INSC: variants seen among roughly 807,000 people sequenced by gnomAD.
INSC encodes INSC spindle orientation adaptor protein.
In INSC, 67 loss-of-function variants were observed where a neutral mutation model predicts 58.6. The ratio of observed to expected loss-of-function variants is 1.14; its 90% CI spans 0.94 to 1.40. The LOEUF (loss-of-function observed/expected upper bound fraction) is 1.40, where lower values mean the gene tolerates loss of function less well. Ranked by LOEUF, INSC falls within the 40% of genes most tolerant of loss-of-function variation. INSC has a pLI of 0.00. For synonymous variants in INSC, 262 were observed against 276.1 expected, an observed-to-expected ratio of 0.95 and a Z score of 0.51; for missense variants, 714 against 692.0, an observed-to-expected ratio of 1.03 and a Z score of -0.36.
chr11:15,113,147 GTC>G (rs911761633), upstream of INSC, among the ~76,000 whole-genome samples: 1 of 113,728 alleles, frequency 8.8e-6, no homozygotes, highest in African/African-American at 3.1e-5. Context: ...CTTTCTTTCT[GTC>G]TCTCTCTCTC....
chr11:15,256,566 C>T, the INSC span, among the ~76,000 whole-genome samples: 6 of 151,540 alleles, frequency 4.0e-5, no homozygotes, highest in East Asian at 7.8e-4. Flanking sequence ...CTTGGCTCAC[C>T]GCAACCTCCG....
intron 7 of INSC, among the ~76,000 whole-genome samples, chr11:15,210,877 ATT>A (rs1312080337): frequency 6.6e-6 from 1 of 152,032 alleles, no homozygotes; most frequent in Admixed American, 6.6e-5. Flanking sequence ...TTAGGGTAGA[ATT>A]TGGTAGGCAG....
intron 5 of INSC, among the ~76,000 whole-genome samples, chr11:15,179,933 A>G (rs899686059): frequency 6.6e-6 from 1 of 152,162 alleles, no homozygotes; most frequent in Non-Finnish European, 1.5e-5. Context: ...TTTTGTGACC[A>G]CTTTCCTGAA....
intron 9 of INSC, among the ~76,000 whole-genome samples, chr11:15,233,628 G>A (rs1226634805): frequency 6.6e-6 from 1 of 152,160 alleles, no homozygotes; most frequent in Admixed American, 6.5e-5. Context: ...CCTGTGACAC[G>A]GCTAATAATT....
intron 2 of INSC, among the ~76,000 whole-genome samples, chr11:15,151,012 A>G (rs927100784): frequency 1.3e-5 from 2 of 152,184 alleles, no homozygotes; most frequent in African/African-American, 2.4e-5. Flanking sequence ...GCTTGGGTCC[A>G]GGAGAGAAGG....
downstream of INSC, among the ~76,000 whole-genome samples, chr11:15,248,083 T>C (rs2156824): frequency 0.62 from 93,536 of 152,080 alleles, 29,218 homozygotes; most frequent in East Asian, 0.86. Context: ...AACAATCACA[T>C]AAGTGCCTTT....
At chr11:15,194,928 A>G (rs2133870022) in intron 6 of INSC, among the ~76,000 whole-genome samples, 1 of 152,308 alleles carries the variant, frequency 6.6e-6, no homozygotes, top group South Asian at 2.1e-4. Flanking sequence ...GAGCTTTAAA[A>G]TTTTTAGGAT....
chr11:15,219,800 A>C (rs767171469), intron 7 of INSC, among the ~76,000 whole-genome samples: 1 of 152,202 alleles, frequency 6.6e-6, no homozygotes, highest in Admixed American at 6.5e-5. Context: ...GGAAGGAGGA[A>C]AGGGATGAAA....
intron 1 of INSC, among the ~76,000 whole-genome samples, chr11:15,124,142 A>G (rs1241439111): frequency 1.3e-5 from 2 of 152,154 alleles, no homozygotes; most frequent in Admixed American, 6.5e-5. Flanking sequence ...TTTATGTTGG[A>G]TTTATAGCAG....
intron 5 of INSC, chr11:15,184,418 G>A: frequency 1.0e-5 from 2 of 197,176 alleles, no homozygotes; most frequent in Non-Finnish European, 2.1e-5. Flanking sequence ...TTTTTTTGAG[G>A]TGGAGTCTCA....
intron 6 of INSC, 42 bp from the exon 7 acceptor site, chr11:15,200,782 G>A (rs747091091): frequency 5.8e-5 from 93 of 1,611,882 alleles, no homozygotes; most frequent in Non-Finnish European, 7.3e-5. Flanking sequence ...CCCCAGACAA[G>A]GTCACACAGT....
chr11:15,148,821 C>T (rs993841314), intron 1 of INSC, among the ~76,000 whole-genome samples: 5 of 152,146 alleles, frequency 3.3e-5, no homozygotes, highest in South Asian at 2.1e-4. Context: ...ATGTCCTGTG[C>T]AATACGTATG....
chr11:15,182,587 A>G (rs571479424), intron 5 of INSC, among the ~76,000 whole-genome samples: 50 of 152,236 alleles, frequency 3.3e-4, no homozygotes, highest in Non-Finnish European at 3.8e-4. Flanking sequence ...TTTCCCATTC[A>G]GCATATTCAA....
chr11:15,171,195 G>GA (rs146324362), intron 2 of INSC, among the ~76,000 whole-genome samples: 2,121 of 152,180 alleles, frequency 0.014, 49 homozygotes, highest in African/African-American at 0.048. Context: ...TAAGGGGTGT[G>GA]AGTGCCTCCA....
At chr11:15,178,291 C>G (rs1849642520) in intron 4 of INSC, 33 bp from the exon 5 acceptor site, 2 of 1,612,628 alleles carry the variant, frequency 1.2e-6, no homozygotes, top group Non-Finnish European at 1.7e-6. Flanking sequence ...CATGCCCTTT[C>G]CAGTGGCCCA....
chr11:15,235,271 T>C, intron 9 of INSC: 2 of 360,830 alleles, frequency 5.5e-6, no homozygotes, highest in Non-Finnish European at 1.1e-5. Context: ...GCTGGTTCTG[T>C]CTGCATTTCA....
chr11:15,133,596 G>A (rs75924330), intron 1 of INSC, among the ~76,000 whole-genome samples: 1 of 42,090 alleles, frequency 2.4e-5, no homozygotes, highest in African/African-American at 5.3e-5. Flanking sequence ...CTGGATCCCT[G>A]TTTGATTCCT....
chr11:15,191,568 G>A (rs1792577), intron 6 of INSC, among the ~76,000 whole-genome samples: 32,097 of 152,068 alleles, frequency 0.21, 3,698 homozygotes, highest in South Asian at 0.29. Context: ...GACATGGGAT[G>A]TCTCAAACCC....
chr11:15,211,735 A>G (rs1851032449), intron 7 of INSC, among the ~76,000 whole-genome samples: 1 of 152,070 alleles, frequency 6.6e-6, no homozygotes, highest in Non-Finnish European at 1.5e-5. Context: ...TTTTTTTCCC[A>G]TATGGATACC....
Sources: allele counts gnomAD v4.1 joint callset (sites outside exome capture counted in the v4.1 genomes callset), GRCh38; gene constraint gnomAD v4.1.1; transcripts MANE v1.5; gene names NCBI Gene and HGNC (gene_info 2026-07-23, HGNC 2026-07-21).